Variants in PIWIL2 observed in about 807,000 individuals in gnomAD.
PIWIL2 encodes the protein piwi-like protein 2.
PIWIL2 carries 81 observed loss-of-function variants against 116.5 expected under a neutral mutation model. The observed-to-expected ratio is 0.70, with a 90% CI of 0.58 to 0.84. The LOEUF (loss-of-function observed/expected upper bound fraction) is 0.84. PIWIL2 is among the 40% of genes least tolerant of loss of function. The pLI is 0.00. For missense variants in PIWIL2, 1,272 were observed against 1,212.3 expected, an observed-to-expected ratio of 1.05 and a Z score of -0.73; for synonymous variants, 489 against 429.5, an observed-to-expected ratio of 1.14 and a Z score of -1.71.
chr8:22,292,591 A>C (rs1830790898), intron 10 of PIWIL2, among the ~76,000 whole-genome samples: 1 of 152,224 alleles, frequency 6.6e-6, no homozygotes, highest in Non-Finnish European at 1.5e-5. Flanking sequence ...GTACACTTAG[A>C]CTTAATATAG....
rs1832465260 is a variant in PIWIL2, at chr8:22,355,338, T to C, written c.2766-11T>C. 1 of 1,613,862 alleles carries C rather than the reference T, an allele frequency of 6.2e-7. No homozygotes were observed. Among genetic ancestry groups the C allele is most frequent in the South Asian group, 1.1e-5 (1 of 91,072 alleles). ...GGATGATGAGAATTATATTTTCTTC[T>C]TGGCCTACAGGCTGACTTTCAAACT... is the stretch of plus-strand genomic sequence containing the variant. On this transcript the variant is annotated splice_polypyrimidine_tract_variant and intron_variant, in intron 22 of 22. Coordinates refer to ENST00000356766, the MANE Select transcript of PIWIL2 (RefSeq NM_018068.5).
chr8:22,353,681 C>T (rs1832424853), intron 21 of PIWIL2, among the ~76,000 whole-genome samples: 1 of 148,236 alleles, frequency 6.7e-6, no homozygotes, highest in African/African-American at 2.5e-5. Context: ...GCTTTTACCT[C>T]TTAAGTGAAA....
At position 22,325,755 on chromosome 8, in the gene PIWIL2, A is replaced by T. The variant is rs563832954; in HGVS notation, c.2403+7480A>T. Among the ~76,000 whole-genome samples, 4 of 152,204 alleles carry T rather than the reference A, an allele frequency of 2.6e-5. No individual in the cohort carries two copies. In the East Asian group the frequency reaches 5.8e-4, roughly 22 times the overall value. The stretch of plus-strand genomic sequence containing the variant: ...TGCCTCAGCCTCCCAAAGTGCTGGG[A>T]TTACAGGTGTGACCCATCGCGCCCA... On this transcript the variant is annotated intron_variant, in intron 20 of 22. Transcript: ENST00000356766.
chr8:22,289,604 C>G (rs374908691), intron 8 of PIWIL2, among the ~76,000 whole-genome samples: 3 of 152,200 alleles, frequency 2.0e-5, no homozygotes, highest in African/African-American at 7.2e-5. Flanking sequence ...GAAACCAACT[C>G]AGTGTTTGGT....
intron 10 of PIWIL2, among the ~76,000 whole-genome samples, chr8:22,297,876 T>C (rs1214476634): frequency 6.6e-6 from 1 of 152,080 alleles, no homozygotes; most frequent in Non-Finnish European, 1.5e-5. Context: ...AAGAGCACTG[T>C]TTTCTATGTT....
chr8:22,294,321 G>C (rs567083152), intron 10 of PIWIL2, among the ~76,000 whole-genome samples: 1 of 134,054 alleles, frequency 7.5e-6, no homozygotes, highest in Non-Finnish European at 1.6e-5. Context: ...CTGGGTGACG[G>C]AGTGAGACTG....
At chr8:22,305,673 T>C (rs74845245) in intron 12 of PIWIL2, among the ~76,000 whole-genome samples, 1 of 151,818 alleles carries the variant, frequency 6.6e-6, no homozygotes, top group African/African-American at 2.4e-5. Flanking sequence ...TTTTTTTTTT[T>C]CTAGTTTTTA....
intron 10 of PIWIL2, among the ~76,000 whole-genome samples, chr8:22,291,531 C>T (rs1334634754): frequency 1.3e-5 from 2 of 152,112 alleles, no homozygotes; most frequent in African/African-American, 4.8e-5. Flanking sequence ...AGGCCATGTA[C>T]TTGGAAGTAG....
intron 2 of PIWIL2, among the ~76,000 whole-genome samples, chr8:22,280,144 C>T (rs996517985): frequency 1.2e-4 from 19 of 152,132 alleles, no homozygotes; most frequent in African/African-American, 4.1e-4. Context: ...CTCTAGCTTC[C>T]GATCATCCCT....
intron 20 of PIWIL2, among the ~76,000 whole-genome samples, chr8:22,349,688 G>A (rs1832312687): frequency 6.6e-6 from 1 of 152,082 alleles, no homozygotes; most frequent in Non-Finnish European, 1.5e-5. Context: ...AGTTAGTTAG[G>A]AGTCTTTGGG....
At chr8:22,314,642 G>C (rs570317349) in intron 17 of PIWIL2, among the ~76,000 whole-genome samples, 5 of 152,130 alleles carry the variant, frequency 3.3e-5, no homozygotes, top group African/African-American at 1.2e-4. Flanking sequence ...GAACAGTTTC[G>C]CTTGTTCCGA....
chr8:22,333,699 G>A (rs1347377074), intron 20 of PIWIL2, among the ~76,000 whole-genome samples: 4 of 152,058 alleles, frequency 2.6e-5, no homozygotes, highest in Non-Finnish European at 5.9e-5. Context: ...GTTAGTGGTT[G>A]CCTGGGGCTG....
intron 20 of PIWIL2, among the ~76,000 whole-genome samples, chr8:22,334,452 G>A (rs1261145158): frequency 6.6e-6 from 1 of 151,264 alleles, no homozygotes; most frequent in Non-Finnish European, 1.5e-5. Flanking sequence ...AACCTAGGAG[G>A]CGGAGGTTGC....
chr8:22,292,922 TC>T (rs377407892), intron 10 of PIWIL2, among the ~76,000 whole-genome samples: 68 of 152,284 alleles, frequency 4.5e-4, no homozygotes, highest in African/African-American at 1.4e-3. Flanking sequence ...CATGAGTAAC[TC>T]CATTTTTGGT....
At chr8:22,346,435 A>G (rs755187429) in intron 20 of PIWIL2, among the ~76,000 whole-genome samples, 2 of 152,150 alleles carry the variant, frequency 1.3e-5, no homozygotes, top group Non-Finnish European at 2.9e-5. Flanking sequence ...GCTGGGATGC[A>G]TCTAAGGCCT....
rs374379247 is a variant in PIWIL2, at chr8:22,318,213, C to T, written c.2341C>T (p.His781Tyr). ...WYSRVVFQMP[H>Y]QEIVDSLKLC... ...TTCCCGGGTGGTGTTCCAGATGCCGCATCAGGAGATTGTGGACAGCCTGAA... is the reference window on the plus strand; with the variant it reads ...TTCCCGGGTGGTGTTCCAGATGCCGTATCAGGAGATTGTGGACAGCCTGAA... The change falls in exon 20 of 23, where the codon CAT becomes TAT. Residue 781 changes from histidine to tyrosine, a missense_variant. By Grantham distance (83) the His-to-Tyr change is moderately conservative. Coordinates refer to ENST00000356766, the MANE Select transcript of PIWIL2 (RefSeq NM_018068.5). 3.5e-5 allele frequency: 56 copies of T among 1,613,632 alleles called. No homozygotes were observed. Among genetic ancestry groups the T allele is most frequent in the African/African-American group, 5.3e-5 (4 of 74,894 alleles).
At chr8:22,281,650 C>A in intron 4 of PIWIL2, 135 bp downstream of exon 4, 1 of 697,538 alleles carries the variant, frequency 1.4e-6, no homozygotes, top group Non-Finnish European at 2.2e-6. Context: ...GCATATTTCT[C>A]AAGAGTAGTC....
At chr8:22,322,089 TC>T in intron 20 of PIWIL2, 1 of 424,148 alleles carries the variant, frequency 2.4e-6, no homozygotes, top group Non-Finnish European at 3.2e-6. Flanking sequence ...AGGATAGAGT[TC>T]CCATACATCC....
intron 18 of PIWIL2, among the ~76,000 whole-genome samples, chr8:22,315,379 C>G (rs749592080): frequency 6.6e-6 from 1 of 152,156 alleles, no homozygotes; most frequent in African/African-American, 2.4e-5. Flanking sequence ...TGCGATGGCA[C>G]GATCTTGGCT....
Sources: gnomAD v4.1 joint callset for allele counts (sites outside exome capture counted in the v4.1 genomes callset) on GRCh38, gnomAD v4.1.1 for gene constraint, MANE v1.5 for transcripts, NCBI Gene and HGNC (gene_info 2026-07-23, HGNC 2026-07-21) for gene names.